Variants in CCNH observed in about 807,000 individuals in gnomAD.
The protein encoded by CCNH is cyclin-H.
Under a neutral mutation model 41.9 loss-of-function variants are expected in CCNH, and 31 were observed. That is an observed-to-expected ratio of 0.74 (90% CI 0.56 to 1.00). The LOEUF (loss-of-function observed/expected upper bound fraction) is 1.00. CCNH is among the 50% of genes least tolerant of loss of function. The pLI is 0.00. For missense variants in CCNH, 362 were observed against 388.4 expected (o/e 0.93, Z 0.57); for synonymous variants, 138 against 136.1 (o/e 1.01, Z -0.10).
At chr5:87,411,931 G>A (rs2112587411) in intron 1 of CCNH, among the ~76,000 whole-genome samples, 1 of 152,258 alleles carries the variant, frequency 6.6e-6, no homozygotes, top group South Asian at 2.1e-4. Flanking sequence ...CTGGAGTGGA[G>A]CTTGCAGGAA....
chr5:87,349,400 G>C, intron 9 of CCNH: 1 of 1,603,440 alleles, frequency 6.2e-7, no homozygotes, highest in African/African-American at 1.3e-5. Context: ...TTTACTTTTC[G>C]CAAAAATAGT....
chr5:87,403,525 C>A (rs1423378247), intron 5 of CCNH, among the ~76,000 whole-genome samples: 1 of 152,076 alleles, frequency 6.6e-6, no homozygotes, highest in Non-Finnish European at 1.5e-5. Flanking sequence ...CACCTGTCAC[C>A]CCAGCACTTT....
Position 87,409,321 on chromosome 5 carries a change from A to G in CCNH, c.283T>C (p.Ser95Pro). 6.3e-7 allele frequency: 1 copy of G among 1,575,614 alleles called. No homozygotes were observed. Among genetic ancestry groups the G allele is most frequent in the Non-Finnish European group, 8.7e-7 (1 of 1,146,060 alleles). Residue 95 changes from serine (S) to proline (P), a missense_variant, in exon 3 of 9, where the codon TCA becomes CCA. Physicochemically the swap from Ser to Pro is moderately conservative, Grantham distance 74. Coordinates refer to ENST00000256897, the MANE Select transcript of CCNH (RefSeq NM_001239.4). Reference sequence around the variant, plus strand: ...ATCCTGGGGTGATATTCCATTACTGAGTTATTAAGATAAAAACGTTTGAAA... The same window carrying G: ...ATCCTGGGGTGATATTCCATTACTGGGTTATTAAGATAAAAACGTTTGAAA... ...MYFKRFYLNN[S>P]VMEYHPRIIM...
chr5:87,395,493 TAAGC>T (rs1762885814), intron 7 of CCNH, among the ~76,000 whole-genome samples: 1 of 152,150 alleles, frequency 6.6e-6, no homozygotes, highest in Admixed American at 6.5e-5. Flanking sequence ...TCAGACTAGA[TAAGC>T]AAAGTAATGA....
rs1409164904 is a variant in CCNH at position 87,411,544 on chromosome 5, T to C, written c.118-198A>G. ...TATTTAATAAACTAAAACTGTACCA[T>C]CATTTCACGACTTTTCGGAATGTCA... is the stretch of plus-strand genomic sequence containing the variant. On this transcript the variant is annotated intron_variant, in intron 1 of 8. Transcript: ENST00000256897. Among the ~76,000 whole-genome samples, 8 of 152,360 alleles carry C rather than the reference T, an allele frequency of 5.3e-5. No individual in the cohort carries two copies. In the East Asian group the frequency reaches 9.6e-4, roughly 18 times the overall value.
At position 87,382,417 on chromosome 5, in the gene CCNH, C is replaced by T. The variant is rs115765014; in HGVS notation, c.*90+10353G>A. On this transcript the variant is annotated intron_variant and NMD_transcript_variant, in intron 9 of 9. Transcript: ENST00000645953. ...ATCTATTAATCTATAGAAGGAATTG[C>T]GTAACTCATTATTTTGGGAATAATG... is the stretch of plus-strand genomic sequence containing the variant. Among the ~76,000 whole-genome samples, 1,413 of 152,138 alleles carry T rather than the reference C, an allele frequency of 9.3e-3. 27 individuals are homozygous for T. Among genetic ancestry groups the T allele is most frequent in the African/African-American group, 0.031 (1,302 of 41,482 alleles).
At chr5:87,360,047 A>C (rs1759955884) in intron 9 of CCNH, among the ~76,000 whole-genome samples, 1 of 150,584 alleles carries the variant, frequency 6.6e-6, no homozygotes, top group South Asian at 2.1e-4. Context: ...TGTATCTATC[A>C]TATCAATTCC....
At chr5:87,396,809 T>C (rs976979600) in intron 7 of CCNH, among the ~76,000 whole-genome samples, 4 of 152,166 alleles carry the variant, frequency 2.6e-5, no homozygotes, top group Non-Finnish European at 4.4e-5. Context: ...TAATCACCCA[T>C]TGTACAATAT....
chr5:87,378,680 T>G (rs1210280284), upstream of CCNH: 3 of 883,500 alleles, frequency 3.4e-6, no homozygotes, highest in Middle Eastern at 3.5e-4. Flanking sequence ...CTGTAATACA[T>G]TTATAAAAAT....
chr5:87,371,761 A>G (rs1304695286), downstream of CCNH, among the ~76,000 whole-genome samples: 1 of 152,140 alleles, frequency 6.6e-6, no homozygotes, highest in Non-Finnish European at 1.5e-5. Flanking sequence ...TGCCTCAAGT[A>G]TAACAGCTTA....
Position 87,398,364 on chromosome 5 carries a change from A to T in CCNH, c.872+1030T>A, listed in dbSNP as rs144797311. On this transcript the variant is annotated intron_variant, in intron 7 of 8. Transcript: ENST00000256897. ...CCAGCAGCACATATTCACCAATTACAGAAATAATACCTCAAATACATCTTA... is the reference window on the plus strand; with the variant it reads ...CCAGCAGCACATATTCACCAATTACTGAAATAATACCTCAAATACATCTTA... 7.4e-4 allele frequency among the ~76,000 whole-genome samples: 113 copies of T among 152,346 alleles called. 1 individual carries two copies. Among genetic ancestry groups the T allele is most frequent in the African/African-American group, 2.5e-3 (104 of 41,586 alleles).
intron 3 of CCNH, among the ~76,000 whole-genome samples, chr5:87,408,571 T>C (rs149030603): frequency 1.5e-4 from 23 of 152,180 alleles, no homozygotes; most frequent in Admixed American, 5.9e-4. Context: ...CATGTAAGTA[T>C]GGGAAGAAAA....
At position 87,412,810 on chromosome 5, in the gene CCNH, A is replaced by G; in HGVS notation, c.-16T>C. 6.2e-7 allele frequency: 1 copy of G among 1,612,170 alleles called. No homozygotes were observed. The highest frequency in any genetic ancestry group is 8.5e-7 in the Non-Finnish European group (1 of 1,178,412). On this transcript the variant is annotated 5_prime_UTR_variant, in exon 1 of 9. Transcript: ENST00000256897. ...TGTGGTACATTATGGAATCGTGACCAGGTCCAGAGGGTCTGCAGACGAGAA... is the reference window on the plus strand; with the variant it reads ...TGTGGTACATTATGGAATCGTGACCGGGTCCAGAGGGTCTGCAGACGAGAA...
chr5:87,369,737 A>T, intron 9 of CCNH: 1 of 871,974 alleles, frequency 1.1e-6, no homozygotes. Flanking sequence ...ATTTATTGTG[A>T]GTGTTTTGGA....
rs440855 is a variant in CCNH at position 87,335,415 on chromosome 5, T to C, written c.*91-16518A>G. Among the ~76,000 whole-genome samples, 1,062 of 143,262 alleles carry C rather than the reference T, an allele frequency of 7.4e-3. 49 individuals are homozygous for C. Among genetic ancestry groups the C allele is most frequent in the Admixed American group, 0.058 (801 of 13,858 alleles). 94.0% of individuals were successfully genotyped at this position (143,262 alleles called of 152,430 possible). On this transcript the variant is annotated intron_variant and NMD_transcript_variant, in intron 9 of 9. Coordinates refer to the CCNH transcript ENST00000645953. ...TGAGATAGGTGAAGATAATAAAGAA[T>C]GAGGTTTTTTTTTTTTTTTTTTTTT...
chr5:87,331,248 A>C (rs762093082), intron 9 of CCNH: 2 of 1,230,694 alleles, frequency 1.6e-6, no homozygotes, highest in South Asian at 1.2e-5. Flanking sequence ...TTTAAGTTAC[A>C]TGTAGGCATT....
At chr5:87,311,785 G>A in the CCNH span, among the ~76,000 whole-genome samples, 1 of 152,194 alleles carries the variant, frequency 6.6e-6, no homozygotes, top group Non-Finnish European at 1.5e-5. Flanking sequence ...CCAGAGGTCA[G>A]ACTGATACTG....
rs780919510 is a variant in CCNH, at chr5:87,331,459, A to G, written c.*91-12562T>C. 5 of 1,613,758 alleles carry G rather than the reference A, an allele frequency of 3.1e-6. No individual in the cohort carries two copies. The highest frequency in any genetic ancestry group is 2.2e-5 in the South Asian group (2 of 91,086). ...GTGATCGGAGGCCAGGGTCCTTTGT[A>G]CTTTCATTTCTTAGCCAGATGAATG... is the stretch of plus-strand genomic sequence containing the variant. On this transcript the variant is annotated intron_variant and NMD_transcript_variant, in intron 9 of 9. Coordinates refer to the CCNH transcript ENST00000645953.
At chr5:87,381,450 T>C (rs1189904798), upstream of CCNH, among the ~76,000 whole-genome samples, 1 of 152,228 alleles carries the variant, frequency 6.6e-6, no homozygotes. Flanking sequence ...AATTTGTTAT[T>C]TAGAATATAC....
Sources: gnomAD v4.1 joint callset for allele counts (sites outside exome capture counted in the v4.1 genomes callset) on GRCh38, gnomAD v4.1.1 for gene constraint, MANE v1.5 for transcripts, NCBI Gene and HGNC (gene_info 2026-07-23, HGNC 2026-07-21) for gene names.